The following EFHC2 variants were observed in gnomAD, a reference collection of about 807,000 sequenced individuals.
EFHC2 encodes EF-hand domain-containing family member C2.
In EFHC2, 18 loss-of-function variants were observed where a neutral mutation model predicts 52.7. That is an observed-to-expected ratio of 0.34 (90% CI 0.24 to 0.51). The LOEUF is 0.51. Ranked by LOEUF, EFHC2 falls within the 20% of genes least tolerant of loss-of-function variation. The pLI is 0.97. For synonymous variants in EFHC2, 203 were observed against 204.1 expected (o/e 0.99, Z 0.04); for missense variants, 513 against 562.5 (o/e 0.91, Z 0.89).
chrX:44,280,899 A>G (rs2037696977), intron 2 of EFHC2, among the ~76,000 whole-genome samples: 4 of 111,778 alleles, frequency 3.6e-5, no homozygotes, highest in Non-Finnish European at 7.5e-5. Flanking sequence ...GGGTATTTCA[A>G]TGTCATTCTG....
At chrX:44,202,825 C>T (rs1229588038) in intron 11 of EFHC2, among the ~76,000 whole-genome samples, 4 of 111,461 alleles carry the variant, frequency 3.6e-5, no homozygotes, top group Non-Finnish European at 5.7e-5. Flanking sequence ...TCATTGTGGG[C>T]TGCCCCTAAG....
At chrX:44,167,394 C>T (rs377702841) in intron 13 of EFHC2, among the ~76,000 whole-genome samples, 12 of 112,003 alleles carry the variant, frequency 1.1e-4, no homozygotes, top group African/African-American at 3.2e-4. Context: ...AGTCACCACA[C>T]GAAGTCCTAT....
At chrX:44,167,050 C>A (rs1188107317) in intron 13 of EFHC2, among the ~76,000 whole-genome samples, 1 of 111,915 alleles carries the variant, frequency 8.9e-6, no homozygotes, top group Non-Finnish European at 1.9e-5. Context: ...GCTTCCCAAT[C>A]CACTTAGAAC....
intron 14 of EFHC2, among the ~76,000 whole-genome samples, chrX:44,158,698 T>A (rs1452373915): frequency 9.0e-6 from 1 of 110,815 alleles, no homozygotes; most frequent in Admixed American, 9.6e-5. Flanking sequence ...GACCTACACA[T>A]CTGGTCTGAC....
intron 1 of EFHC2, among the ~76,000 whole-genome samples, chrX:44,315,158 CTCTT>C (rs1321855958): frequency 1.8e-5 from 2 of 110,851 alleles, no homozygotes; most frequent in Non-Finnish European, 3.8e-5. Flanking sequence ...CCCCTTCTCT[CTCTT>C]TCTCCCACTC....
intron 14 of EFHC2, among the ~76,000 whole-genome samples, chrX:44,150,997 CA>C (rs2036566084): frequency 1.8e-5 from 2 of 110,597 alleles, no homozygotes; most frequent in African/African-American, 6.6e-5. Context: ...CAGAGACACA[CA>C]GGGGGAACAC....
chrX:44,252,601 TA>T (rs1465519315), intron 4 of EFHC2, among the ~76,000 whole-genome samples: 1 of 112,309 alleles, frequency 8.9e-6, no homozygotes, highest in Admixed American at 9.4e-5. Flanking sequence ...ATTTTAACTT[TA>T]CAGTTCAAGA....
chrX:44,148,298 G>A lies in EFHC2; in HGVS notation c.*497C>T, dbSNP rs1488804480. 8.9e-6 allele frequency: 1 copy of A among 111,870 alleles called. No homozygotes were observed. Among genetic ancestry groups the A allele is most frequent in the Non-Finnish European group, 1.8e-5 (1 of 54,523 alleles). The allele number at this position is 111,870 out of a possible 1,213,427, so 9.2% of individuals were successfully genotyped here. On this transcript the variant is annotated 3_prime_UTR_variant, in exon 15 of 15. Transcript: ENST00000420999. ...TCCCATAGCTTTACTAAGTTCAAAAGATAAATATATTTACTCTAGAGAGGT... is the reference window on the plus strand; with the variant it reads ...TCCCATAGCTTTACTAAGTTCAAAAAATAAATATATTTACTCTAGAGAGGT...
At chrX:44,289,970 G>A (rs1038177137) in intron 2 of EFHC2, among the ~76,000 whole-genome samples, 1 of 111,789 alleles carries the variant, frequency 8.9e-6, no homozygotes, top group Non-Finnish European at 1.9e-5. Flanking sequence ...CGTGAGCCTC[G>A]GCACCCGGCC....
intron 12 of EFHC2, 90 bp downstream of exon 12, chrX:44,178,277 C>A (rs1404942709): frequency 4.5e-5 from 40 of 883,840 alleles, no homozygotes; most frequent in Non-Finnish European, 4.2e-5. Flanking sequence ...TGTCTATTTT[C>A]TTTTTGCACT....
At chrX:44,245,942 T>C (rs1312871477) in intron 7 of EFHC2, among the ~76,000 whole-genome samples, 1 of 111,469 alleles carries the variant, frequency 9.0e-6, no homozygotes, top group Non-Finnish European at 1.9e-5. Flanking sequence ...CCTAGCTGTG[T>C]TGCTGCTGCT....
intron 1 of EFHC2, 114 bp from the exon 2 acceptor site, chrX:44,312,870 C>G: frequency 1.4e-6 from 1 of 697,237 alleles, no homozygotes; most frequent in Admixed American, 4.6e-5. Flanking sequence ...TCACAAAATG[C>G]AAATAAAGTG....
At chrX:44,338,707 TTC>T (rs2038131974) in intron 1 of EFHC2, among the ~76,000 whole-genome samples, 1 of 87,643 alleles carries the variant, frequency 1.1e-5, no homozygotes, top group Non-Finnish European at 2.2e-5. Context: ...CCCCACTCTC[TTC>T]TTTTTCTTTT....
intron 7 of EFHC2, 46 bp downstream of exon 7, chrX:44,248,226 C>G: frequency 9.4e-7 from 1 of 1,058,589 alleles, no homozygotes; most frequent in Non-Finnish European, 1.3e-6. Context: ...AGGGAACAAA[C>G]AATTTAATTT....
At chrX:44,214,415 C>T (rs1189792833) in intron 11 of EFHC2, among the ~76,000 whole-genome samples, 5 of 112,429 alleles carry the variant, frequency 4.4e-5, no homozygotes, top group Non-Finnish European at 9.4e-5. Flanking sequence ...GTAAGAATTA[C>T]ATCTGACTTC....
intron 4 of EFHC2, among the ~76,000 whole-genome samples, chrX:44,258,710 A>G (rs2037512866): frequency 9.1e-6 from 1 of 110,247 alleles, no homozygotes; most frequent in Non-Finnish European, 1.9e-5. Flanking sequence ...AAAAAAAATT[A>G]GCCGGGTGTG....
intron 7 of EFHC2, among the ~76,000 whole-genome samples, chrX:44,247,217 G>A (rs935734379): frequency 8.0e-5 from 9 of 112,362 alleles, no homozygotes; most frequent in African/African-American, 2.3e-4. Flanking sequence ...GAACCTAAGA[G>A]TAAAACTGTA....
At chrX:44,186,055 C>T (rs941431962) in intron 11 of EFHC2, among the ~76,000 whole-genome samples, 2 of 111,140 alleles carry the variant, frequency 1.8e-5, no homozygotes, top group Non-Finnish European at 3.8e-5. Context: ...AACTATAATA[C>T]TATGGTTTTT....
At chrX:44,184,287 T>C (rs913798851) in intron 11 of EFHC2, among the ~76,000 whole-genome samples, 1 of 111,888 alleles carries the variant, frequency 8.9e-6, no homozygotes, top group African/African-American at 3.3e-5. Context: ...TCAGAGCCTT[T>C]GTACTTGCTG....
Sources: gnomAD v4.1 joint callset for allele counts (sites outside exome capture counted in the v4.1 genomes callset) on GRCh38, gnomAD v4.1.1 for gene constraint, MANE v1.5 for transcripts, NCBI Gene and HGNC (gene_info 2026-07-23, HGNC 2026-07-21) for gene names.